Variants in STPG2 observed in about 807,000 individuals in gnomAD.
The protein encoded by STPG2 is sperm tail PG-rich repeat containing 2, also known as sperm-tail PG-rich repeat-containing protein 2.
Under a neutral mutation model 54.2 loss-of-function variants are expected in STPG2, and 56 were observed. The ratio of observed to expected loss-of-function variants is 1.03; its 90% CI spans 0.83 to 1.29. The LOEUF (loss-of-function observed/expected upper bound fraction) is 1.29, where lower values mean the gene tolerates loss of function less well. STPG2 is among the 50% of genes most tolerant of loss of function. The probability of loss-of-function intolerance (pLI) is 0.00; values close to 1 mark genes in which losing one functional copy is unlikely to be tolerated. For missense variants in STPG2, 596 were observed against 544.9 expected, an observed-to-expected ratio of 1.09 and a Z score of -0.93; for synonymous variants, 200 against 181.8, an observed-to-expected ratio of 1.10 and a Z score of -0.81.
At chr4:98,087,560 C>CTTT (rs70955916) in intron 5 of STPG2, among the ~76,000 whole-genome samples, 27 of 132,280 alleles carry the variant, frequency 2.0e-4, no homozygotes, top group African/African-American at 4.1e-4. Context: ...CTCTTTTTTT[C>CTTT]TTTTTTTTTT....
chr4:97,556,337 TAATCATAATCATCTTGATCC>T (rs1732077539), downstream of STPG2, among the ~76,000 whole-genome samples: 1 of 152,316 alleles, frequency 6.6e-6, no homozygotes, highest in Admixed American at 6.5e-5. Flanking sequence ...GCCATCTTCC[TAATCATAATCATCTTGATCC>T]AATTCCATCC....
At chr4:97,594,186 G>A (rs904710032) in intron 10 of STPG2, among the ~76,000 whole-genome samples, 11 of 152,148 alleles carry the variant, frequency 7.2e-5, no homozygotes, top group Non-Finnish European at 1.5e-4. Context: ...TTCAGAATAA[G>A]GATAGGAATG....
At chr4:97,541,651 C>A (rs1731708762) in intron 4 of STPG2, among the ~76,000 whole-genome samples, 1 of 152,158 alleles carries the variant, frequency 6.6e-6, no homozygotes, top group Admixed American at 6.5e-5. Flanking sequence ...AAAAAAGAGC[C>A]TGCATTGCCA....
intron 6 of STPG2, among the ~76,000 whole-genome samples, chr4:97,975,432 G>T (rs978013470): frequency 2.0e-5 from 3 of 152,008 alleles, no homozygotes; most frequent in African/African-American, 7.2e-5. Flanking sequence ...TTTAATTTTT[G>T]TCTTTTATTT....
At chr4:98,086,070 A>G (rs1738494007) in intron 5 of STPG2, among the ~76,000 whole-genome samples, 1 of 152,126 alleles carries the variant, frequency 6.6e-6, no homozygotes, top group Admixed American at 6.5e-5. Flanking sequence ...AGTGGAGTAC[A>G]ATCCAAAAGA....
intron 8 of STPG2, among the ~76,000 whole-genome samples, chr4:97,922,498 A>G (rs1732146732): frequency 6.6e-6 from 1 of 152,200 alleles, no homozygotes; most frequent in Non-Finnish European, 1.5e-5. Context: ...TTGTACAAAA[A>G]ATGGTTGTAT....
intron 8 of STPG2, among the ~76,000 whole-genome samples, chr4:97,913,852 T>G (rs1367655843): frequency 1.3e-5 from 2 of 152,194 alleles, no homozygotes; most frequent in African/African-American, 4.8e-5. Context: ...TAAGCAAATT[T>G]AAATGAGCAA....
chr4:98,085,410 T>C (rs890626468), intron 5 of STPG2, among the ~76,000 whole-genome samples: 2 of 152,102 alleles, frequency 1.3e-5, no homozygotes, highest in Non-Finnish European at 1.5e-5. Flanking sequence ...AGTTTATTTC[T>C]GCAAAAACTT....
chr4:97,653,844 G>A (rs1275167699), intron 10 of STPG2, among the ~76,000 whole-genome samples: 1 of 152,122 alleles, frequency 6.6e-6, no homozygotes, highest in Non-Finnish European at 1.5e-5. Flanking sequence ...AAGTGAGATA[G>A]TGAAGGGAAG....
intron 5 of STPG2, among the ~76,000 whole-genome samples, chr4:98,071,047 A>G (rs1003571922): frequency 6.6e-6 from 1 of 151,968 alleles, no homozygotes; most frequent in Non-Finnish European, 1.5e-5. Context: ...CTAATTCTTC[A>G]GAGAATTAGA....
At chr4:97,693,760 T>G (rs892608578) in intron 10 of STPG2, among the ~76,000 whole-genome samples, 2 of 152,156 alleles carry the variant, frequency 1.3e-5, no homozygotes, top group Non-Finnish European at 2.9e-5. Flanking sequence ...GACCATATGA[T>G]AGAACACAAA....
chr4:97,739,391 C>T (rs1578522339), intron 9 of STPG2, among the ~76,000 whole-genome samples: 3 of 151,902 alleles, frequency 2.0e-5, no homozygotes, highest in Non-Finnish European at 4.4e-5. Flanking sequence ...AATAGAGACG[C>T]AAAAAACCCT....
intron 5 of STPG2, among the ~76,000 whole-genome samples, chr4:98,034,035 C>T (rs1357536041): frequency 1.3e-5 from 2 of 152,012 alleles, no homozygotes; most frequent in Admixed American, 6.6e-5. Flanking sequence ...CCTTTGAAAA[C>T]CGGCATAAGA....
intron 5 of STPG2, among the ~76,000 whole-genome samples, chr4:98,032,827 C>T (rs1008605408): frequency 2.6e-5 from 4 of 152,170 alleles, no homozygotes; most frequent in African/African-American, 9.7e-5. Flanking sequence ...ACTGAACAAC[C>T]TGCTCCTGAA....
intron 10 of STPG2, among the ~76,000 whole-genome samples, chr4:97,675,394 T>A (rs533456075): frequency 6.6e-6 from 1 of 152,256 alleles, no homozygotes; most frequent in African/African-American, 2.4e-5. Flanking sequence ...TTCATAAAAA[T>A]TCAAGGCCTG....
chr4:97,459,756 A>G (rs1012441008), intron 4 of STPG2, among the ~76,000 whole-genome samples: 13 of 152,108 alleles, frequency 8.5e-5, no homozygotes, highest in Non-Finnish European at 1.6e-4. Flanking sequence ...GCCTCTTTTT[A>G]ACAATGTCAG....
At chr4:97,904,002 A>G (rs1340890839) in intron 8 of STPG2, among the ~76,000 whole-genome samples, 2 of 152,184 alleles carry the variant, frequency 1.3e-5, no homozygotes, top group African/African-American at 2.4e-5. Context: ...TCAAACTGCA[A>G]GGCAGCAGCG....
chr4:97,738,150 C>T (rs1310627944), intron 9 of STPG2, among the ~76,000 whole-genome samples: 1 of 152,086 alleles, frequency 6.6e-6, no homozygotes, highest in African/African-American at 2.4e-5. Context: ...ACTTTACAGA[C>T]AAGGAAATGC....
chr4:97,589,204 T>C (rs1009487630), intron 10 of STPG2, among the ~76,000 whole-genome samples: 1 of 152,048 alleles, frequency 6.6e-6, no homozygotes, highest in African/African-American at 2.4e-5. Flanking sequence ...GTGCATATAA[T>C]TATACATGAA....
Sources: gnomAD v4.1 joint callset for allele counts (sites outside exome capture counted in the v4.1 genomes callset) on GRCh38, gnomAD v4.1.1 for gene constraint, MANE v1.5 for transcripts, NCBI Gene and HGNC (gene_info 2026-07-23, HGNC 2026-07-21) for gene names.